DPT: variants seen among roughly 807,000 people sequenced by gnomAD.
The protein encoded by DPT is dermatopontin.
DPT carries 21 observed loss-of-function variants against 31.2 expected under a neutral mutation model. The observed-to-expected ratio is 0.67, with a 90% CI of 0.48 to 0.97. The LOEUF (loss-of-function observed/expected upper bound fraction) is 0.97, where lower values mean the gene tolerates loss of function less well. DPT is among the 50% of genes least tolerant of loss of function. The probability of loss-of-function intolerance (pLI) is 0.00; values close to 1 mark genes in which losing one functional copy is unlikely to be tolerated. For synonymous variants in DPT, 91 were observed against 86.9 expected (o/e 1.05, Z -0.26); for missense variants, 262 against 258.8 (o/e 1.01, Z -0.08).
At chr1:168,696,746 C>T in intron 3 of DPT, 131 bp from the exon 4 acceptor site, 1 of 768,844 alleles carries the variant, frequency 1.3e-6, no homozygotes, top group Non-Finnish European at 2.1e-6. Context: ...TCTCACTTTG[C>T]TCTTAGAAGA....
chr1:168,711,650 C>T (rs2101905231), intron 2 of DPT, among the ~76,000 whole-genome samples: 1 of 152,294 alleles, frequency 6.6e-6, no homozygotes, highest in Middle Eastern at 3.4e-3. Context: ...CTGCAATGAC[C>T]TGACACCTGC....
In DPT at chr1:168,729,028, C is replaced by T. The variant is rs1307330398; in HGVS notation, c.147G>A (p.Gln49=). 2 of 1,614,118 alleles carry T rather than the reference C, an allele frequency of 1.2e-6. No homozygotes were observed. Among genetic ancestry groups the T allele is most frequent in the South Asian group, 1.1e-5 (1 of 91,088 alleles). Residue 49 remains glutamine, a synonymous_variant, in exon 1 of 4, where the codon CAG becomes CAA. Transcript: ENST00000367817. The part of the protein sequence containing the change: ...VNLNRQGFSY[Q]CPQGQVIVAV... ...CCACTATCACCTGCCCCTGGGGACA[C>T]TGGTAGCTGAAGCCTTGCCGGTTCA... is the stretch of plus-strand genomic sequence containing the variant.
chr1:168,707,099 T>C (rs1649736404), intron 2 of DPT, among the ~76,000 whole-genome samples: 1 of 152,224 alleles, frequency 6.6e-6, no homozygotes, highest in Admixed American at 6.5e-5. Flanking sequence ...TGGAGGCAGA[T>C]AGACTGGTTG....
intron 2 of DPT, among the ~76,000 whole-genome samples, chr1:168,708,295 T>C (rs1485303411): frequency 6.6e-6 from 1 of 152,210 alleles, no homozygotes; most frequent in Admixed American, 6.5e-5. Flanking sequence ...GTCTACATTT[T>C]AAATATGGCA....
intron 1 of DPT, among the ~76,000 whole-genome samples, chr1:168,714,817 G>C (rs1466646380): frequency 2.0e-5 from 3 of 152,224 alleles, no homozygotes; most frequent in Non-Finnish European, 4.4e-5. Flanking sequence ...CCTGGAAATT[G>C]AGCACAAGGA....
At chr1:168,703,608 GT>G (rs1649651440) in intron 2 of DPT, among the ~76,000 whole-genome samples, 1 of 152,156 alleles carries the variant, frequency 6.6e-6, no homozygotes, top group Non-Finnish European at 1.5e-5. Flanking sequence ...TCCCAGACAG[GT>G]TTTGTTTTGT....
At chr1:168,696,637 A>G (rs776145510) in intron 3 of DPT, 22 bp from the exon 4 acceptor site, 1 of 1,609,684 alleles carries the variant, frequency 6.2e-7, no homozygotes, top group Admixed American at 1.7e-5. Context: ...AGAGTCAGAA[A>G]ATGAATGTCA....
chr1:168,696,465 G>T lies in DPT; in HGVS notation c.*84C>A. ...AAAGAGAGCAGCAGAAACTTCTATAGGAGATCCAACTGATGTTAACATATG... is the reference window on the plus strand; with the variant it reads ...AAAGAGAGCAGCAGAAACTTCTATATGAGATCCAACTGATGTTAACATATG... On this transcript the variant is annotated 3_prime_UTR_variant, in exon 4 of 4. Coordinates refer to ENST00000367817, the MANE Select transcript of DPT (RefSeq NM_001937.5). The T allele has an allele frequency of 8.3e-7, 1 of 1,207,148 alleles. No homozygotes were observed. 74.8% of individuals were successfully genotyped at this position (1,207,148 alleles called of 1,614,324 possible).
intron 2 of DPT, among the ~76,000 whole-genome samples, chr1:168,710,838 A>T (rs1434896341): frequency 6.6e-6 from 1 of 152,102 alleles, no homozygotes; most frequent in African/African-American, 2.4e-5. Context: ...CTCAGCATTC[A>T]AATAAACAGA....
chr1:168,699,270 G>A (rs2101898113), intron 3 of DPT, among the ~76,000 whole-genome samples: 1 of 152,190 alleles, frequency 6.6e-6, no homozygotes, highest in South Asian at 2.1e-4. Context: ...GGGGAGCATG[G>A]CCCTGCTAAA....
At chr1:168,726,514 T>A (rs1284194525) in intron 1 of DPT, among the ~76,000 whole-genome samples, 6 of 152,294 alleles carry the variant, frequency 3.9e-5, no homozygotes, top group Middle Eastern at 6.8e-3. Context: ...ACTTTCCAAA[T>A]GAGGCGGGAG....
Position 168,696,344 on chromosome 1 carries a change from G to C in DPT, c.*205C>G. ...AGTTGCTATGAAACATGTGAAAAGT[G>C]AGAAACATGGTTTAATTGTGGATTT... On this transcript the variant is annotated 3_prime_UTR_variant, in exon 4 of 4. Coordinates refer to ENST00000367817, the MANE Select transcript of DPT (RefSeq NM_001937.5). The C allele has an allele frequency of 1.7e-6, 1 of 584,630 alleles. No homozygotes were observed. 36.2% of individuals were successfully genotyped at this position (584,630 alleles called of 1,614,324 possible). A position where few individuals can be genotyped will look rare whatever the true frequency, so the allele number is the denominator to read the frequency against.
At chr1:168,711,879 G>A (rs1649873616) in intron 2 of DPT, among the ~76,000 whole-genome samples, 1 of 152,142 alleles carries the variant, frequency 6.6e-6, no homozygotes, top group Non-Finnish European at 1.5e-5. Flanking sequence ...AATGTTATGT[G>A]CCTGTCATTA....
chr1:168,698,738 A>C (rs915279031), intron 3 of DPT, among the ~76,000 whole-genome samples: 3 of 152,164 alleles, frequency 2.0e-5, no homozygotes, highest in African/African-American at 7.2e-5. Context: ...ATCTGGCCCT[A>C]GATGTCAATA....
chr1:168,701,173 G>A (rs767595646), intron 2 of DPT, 49 bp from the exon 3 acceptor site: 15 of 1,386,960 alleles, frequency 1.1e-5, no homozygotes, highest in Admixed American at 1.7e-5. Context: ...CATTATTATT[G>A]CTGGGAGCAA....
chr1:168,729,142 G>A lies in DPT; in HGVS notation c.33C>T (p.Pro11=). Residue 11 remains proline, a synonymous_variant, in exon 1 of 4, where the codon CCC becomes CCT. Transcript: ENST00000367817. MDLSLLWVLL[P]LVTMAWGQYG... ...ACTGGCCCCAGGCCATGGTGACTAG[G>A]GGCAGAAGTACCCAGAGAAGACTGA... The A allele has an allele frequency of 1.2e-6, 2 of 1,614,116 alleles. No individual in the cohort carries two copies. The highest frequency in any genetic ancestry group is 1.7e-5 in the Admixed American group (1 of 60,014).
chr1:168,697,543 G>A (rs1649491496), intron 3 of DPT, among the ~76,000 whole-genome samples: 1 of 152,248 alleles, frequency 6.6e-6, no homozygotes, highest in Non-Finnish European at 1.5e-5. Context: ...TTTGAAAAAT[G>A]TGGTGTGGAT....
chr1:168,727,373 G>A (rs1254747381), intron 1 of DPT, among the ~76,000 whole-genome samples: 1 of 152,150 alleles, frequency 6.6e-6, no homozygotes, highest in African/African-American at 2.4e-5. Context: ...CATGGAGCCT[G>A]CTCAGGGTAA....
chr1:168,707,849 C>T (rs1352216908), intron 2 of DPT, among the ~76,000 whole-genome samples: 1 of 152,144 alleles, frequency 6.6e-6, no homozygotes, highest in Admixed American at 6.5e-5. Flanking sequence ...GAGGCCTCCC[C>T]AGCCCTGTGG....
Sources: gnomAD v4.1 joint callset for allele counts (sites outside exome capture counted in the v4.1 genomes callset) on GRCh38, gnomAD v4.1.1 for gene constraint, MANE v1.5 for transcripts, NCBI Gene and HGNC (gene_info 2026-07-23, HGNC 2026-07-21) for gene names.